The following CTCF variants were observed in gnomAD, a reference collection of about 807,000 sequenced individuals.
CTCF encodes transcriptional repressor CTCF.
CTCF carries 7 observed loss-of-function variants against 72.3 expected under a neutral mutation model. That is an observed-to-expected ratio of 0.10 (90% CI 0.06 to 0.18). The LOEUF (loss-of-function observed/expected upper bound fraction) is 0.18. Ranked by LOEUF, CTCF falls within the 10% of genes least tolerant of loss-of-function variation. The pLI, the probability that CTCF is intolerant of heterozygous loss-of-function variation, is 1.00. For missense variants in CTCF, 516 were observed against 949.1 expected, an observed-to-expected ratio of 0.54 and a Z score of 6.00; for synonymous variants, 374 against 315.8, an observed-to-expected ratio of 1.18 and a Z score of -1.95.
intron 2 of CTCF, 129 bp downstream of exon 2, chr16:67,571,393 C>G (rs900369637): frequency 6.6e-6 from 1 of 152,402 alleles, no homozygotes; most frequent in Non-Finnish European, 1.5e-5. Context: ...AGCATACAGG[C>G]TTCATAATCA....
At chr16:67,574,970 C>T (rs1246344541) in intron 2 of CTCF, among the ~76,000 whole-genome samples, 1 of 152,010 alleles carries the variant, frequency 6.6e-6, no homozygotes, top group Non-Finnish European at 1.5e-5. Flanking sequence ...AGCATCTATT[C>T]TTAACTGTGT....
At chr16:67,580,579 G>C (rs2051565195) in intron 2 of CTCF, among the ~76,000 whole-genome samples, 1 of 150,692 alleles carries the variant, frequency 6.6e-6, no homozygotes, top group Non-Finnish European at 1.5e-5. Context: ...TATTATTTTT[G>C]AGACGAAGTC....
At chr16:67,633,464 TAGGG>T (rs2142879564) in intron 10 of CTCF, among the ~76,000 whole-genome samples, 1 of 152,284 alleles carries the variant, frequency 6.6e-6, no homozygotes, top group East Asian at 1.9e-4. Flanking sequence ...ATTGTGGCAT[TAGGG>T]AGGAGAGCAA....
chr16:67,593,214 G>C (rs2051769527), intron 2 of CTCF, among the ~76,000 whole-genome samples: 1 of 151,658 alleles, frequency 6.6e-6, no homozygotes, highest in South Asian at 2.1e-4. Flanking sequence ...TTAGATTCGG[G>C]GGTACATGTC....
rs776311052 is a variant in CTCF, at chr16:67,601,254, GTTT to G, written c.-9-9568_-9-9566del. Among the ~76,000 whole-genome samples the G allele has an allele frequency of 1.7e-3, 177 of 105,828 alleles. 1 individual carries two copies. Among genetic ancestry groups the G allele is most frequent in the South Asian group, 2.8e-3 (8 of 2,886 alleles). 69.4% of individuals were successfully genotyped at this position (105,828 alleles called of 152,430 possible). On this transcript the variant is annotated intron_variant, in intron 2 of 11. Transcript: ENST00000264010. ...TGTGTGTGTGTGTGTGTGTGTGTGT[GTTT>G]TGTTTTGTTTTTTAAGACAGAGTCT... is the stretch of plus-strand genomic sequence containing the variant.
chr16:67,583,294 T>C (rs2051616219), intron 2 of CTCF, among the ~76,000 whole-genome samples: 1 of 152,094 alleles, frequency 6.6e-6, no homozygotes, highest in Non-Finnish European at 1.5e-5. Context: ...GCCTACTTCT[T>C]ATTTTGAAAG....
intron 10 of CTCF, among the ~76,000 whole-genome samples, chr16:67,633,326 C>G (rs1041433270): frequency 2.0e-5 from 3 of 152,148 alleles, no homozygotes; most frequent in African/African-American, 7.2e-5. Flanking sequence ...CTCAGCTGGT[C>G]AGATGTCCCA....
rs567944815 is a variant in CTCF, at chr16:67,573,320, T to A, written c.-10+2056T>A. ...GGTGCGTGCCTGTAATCCCAACTACTCGGGAGGCTGAGGCAGGAGAATCAC... is the reference window on the plus strand; with the variant it reads ...GGTGCGTGCCTGTAATCCCAACTACACGGGAGGCTGAGGCAGGAGAATCAC... On this transcript the variant is annotated intron_variant, in intron 2 of 11. Coordinates refer to ENST00000264010, the MANE Select transcript of CTCF (RefSeq NM_006565.4). Among the ~76,000 whole-genome samples, 6 of 151,556 alleles carry A rather than the reference T, an allele frequency of 4.0e-5. No homozygotes were observed. The East Asian group carries it at 1.2e-3, about 29-fold the overall frequency.
At chr16:67,599,365 A>T (rs1255990129) in intron 2 of CTCF, among the ~76,000 whole-genome samples, 1 of 152,202 alleles carries the variant, frequency 6.6e-6, no homozygotes, top group Non-Finnish European at 1.5e-5. Flanking sequence ...ACTGCGCTCC[A>T]GCCTGGGCAA....
chr16:67,626,961 G>A (rs1456160488), intron 8 of CTCF: 3 of 328,250 alleles, frequency 9.1e-6, no homozygotes, highest in Non-Finnish European at 1.7e-5. Flanking sequence ...ACTGTGGAAA[G>A]TAAGTCCAGG....
rs561242609 is a variant in CTCF, at chr16:67,608,300, G to A, written c.-9-2524G>A. Among the ~76,000 whole-genome samples, 248 of 151,772 alleles carry A rather than the reference G, an allele frequency of 1.6e-3. 1 individual carries two copies. The highest frequency in any genetic ancestry group is 5.7e-3 in the African/African-American group (236 of 41,372). On this transcript the variant is annotated intron_variant, in intron 2 of 11. Transcript: ENST00000264010. The stretch of plus-strand genomic sequence containing the variant: ...GATCGTGCCACTGCACCCTAGCCTG[G>A]GCAACAGAGCGAGACTCCGTCTCAA...
intron 2 of CTCF, among the ~76,000 whole-genome samples, chr16:67,599,745 C>T (rs1001352381): frequency 6.6e-6 from 1 of 152,122 alleles, no homozygotes; most frequent in Non-Finnish European, 1.5e-5. Context: ...TACCACAGTC[C>T]GGACGACTAA....
Position 67,569,152 on chromosome 16 carries a change from T to A in CTCF, c.-126-1996T>A, listed in dbSNP as rs561050947. On this transcript the variant is annotated intron_variant, in intron 1 of 11. Coordinates refer to ENST00000264010, the MANE Select transcript of CTCF (RefSeq NM_006565.4). ...CTGTGCCTGGCCTATTTGGAAACACTTAGTTCAAATTTAGCTCTTTATTTC... is the reference window on the plus strand; with the variant it reads ...CTGTGCCTGGCCTATTTGGAAACACATAGTTCAAATTTAGCTCTTTATTTC... Among the ~76,000 whole-genome samples the A allele has an allele frequency of 6.7e-5, 10 of 148,510 alleles. No homozygotes were observed. In the South Asian group the frequency reaches 2.1e-3, roughly 32 times the overall value.
intron 5 of CTCF, among the ~76,000 whole-genome samples, chr16:67,618,147 G>A (rs1257621216): frequency 6.6e-6 from 1 of 152,196 alleles, no homozygotes; most frequent in African/African-American, 2.4e-5. Context: ...GCTCACGCCT[G>A]TAATCCCAGT....
At chr16:67,603,632 T>C (rs1266366446) in intron 2 of CTCF, among the ~76,000 whole-genome samples, 1 of 151,916 alleles carries the variant, frequency 6.6e-6, no homozygotes, top group Non-Finnish European at 1.5e-5. Context: ...GAGACCATCC[T>C]GGCTAACACG....
intron 2 of CTCF, among the ~76,000 whole-genome samples, chr16:67,589,875 T>TCA (rs1284074910): frequency 6.6e-6 from 1 of 152,050 alleles, no homozygotes; most frequent in African/African-American, 2.4e-5. Context: ...TCACCTAAGG[T>TCA]CAGGAGTTTG....
intron 7 of CTCF, among the ~76,000 whole-genome samples, chr16:67,624,073 G>GTA (rs2052243437): frequency 5.8e-5 from 3 of 52,162 alleles, no homozygotes; most frequent in African/African-American, 2.5e-4. Context: ...AATTATATAT[G>GTA]TGTGTGTGTG....
chr16:67,626,798 T>C, intron 8 of CTCF, 83 bp downstream of exon 8: 1 of 1,018,418 alleles, frequency 9.8e-7, no homozygotes, highest in Non-Finnish European at 1.3e-6. Flanking sequence ...GTACAGTGGC[T>C]GTTTTTAAAG....
intron 10 of CTCF, among the ~76,000 whole-genome samples, chr16:67,634,747 A>G (rs1597731524): frequency 6.8e-6 from 1 of 147,718 alleles, no homozygotes; most frequent in East Asian, 2.0e-4. Flanking sequence ...TCTGTTGCCC[A>G]GGCTGGAGTG....
Sources: allele counts gnomAD v4.1 joint callset (sites outside exome capture counted in the v4.1 genomes callset), GRCh38; gene constraint gnomAD v4.1.1; transcripts MANE v1.5; gene names NCBI Gene and HGNC (gene_info 2026-07-23, HGNC 2026-07-21).